Variants in DPYD observed in about 807,000 individuals in gnomAD.
The protein encoded by DPYD is dihydropyrimidine dehydrogenase [NADP(+)].
Under a neutral mutation model 116.2 loss-of-function variants are expected in DPYD, and 109 were observed. That is an observed-to-expected ratio of 0.94 (90% CI 0.80 to 1.10). DPYD has a LOEUF of 1.10. Ranked by LOEUF, DPYD falls within the 50% of genes least tolerant of loss-of-function variation. DPYD has a pLI of 0.00. For missense variants in DPYD, 1,302 were observed against 1,254.5 expected (o/e 1.04, Z -0.57); for synonymous variants, 440 against 432.0 (o/e 1.02, Z -0.23).
intron 4 of DPYD, among the ~76,000 whole-genome samples, chr1:97,730,491 G>C (rs983235378): frequency 2.0e-5 from 3 of 151,890 alleles, no homozygotes; most frequent in Non-Finnish European, 4.4e-5. Flanking sequence ...CCCAAATTGA[G>C]GGGATTACAC....
chr1:97,418,920 T>A (rs1674430599), intron 14 of DPYD, among the ~76,000 whole-genome samples: 1 of 152,054 alleles, frequency 6.6e-6, no homozygotes, highest in Admixed American at 6.6e-5. Context: ...GAAAAATAAG[T>A]ATACTGAAAA....
chr1:97,208,768 G>T (rs1034591913), intron 19 of DPYD, among the ~76,000 whole-genome samples: 16 of 152,114 alleles, frequency 1.1e-4, no homozygotes, highest in African/African-American at 3.9e-4. Flanking sequence ...TATGCTGTTT[G>T]TTTTCTGTCA....
At chr1:97,194,169 G>A (rs1658583953) in intron 19 of DPYD, among the ~76,000 whole-genome samples, 2 of 152,140 alleles carry the variant, frequency 1.3e-5, no homozygotes, top group South Asian at 4.1e-4. Flanking sequence ...TGGTTTGGCT[G>A]TGTCCCCACA....
intron 18 of DPYD, among the ~76,000 whole-genome samples, chr1:97,270,189 C>G (rs1033311097): frequency 6.6e-6 from 1 of 152,134 alleles, no homozygotes; most frequent in Non-Finnish European, 1.5e-5. Context: ...AATAGAATCA[C>G]TAACAATTTC....
chr1:97,821,578 C>A (rs780466873), intron 3 of DPYD, among the ~76,000 whole-genome samples: 6 of 152,058 alleles, frequency 3.9e-5, no homozygotes, highest in Non-Finnish European at 7.4e-5. Context: ...AGAGATGATG[C>A]ACTTTTTTCC....
chr1:97,083,198 C>T lies in DPYD; in HGVS notation c.2767-728G>A, dbSNP rs368685661. On this transcript the variant is annotated intron_variant, in intron 21 of 22. Coordinates refer to ENST00000370192, the MANE Select transcript of DPYD (RefSeq NM_000110.4). ...TGAAGCACAGACTATGTTTCATCAACAATAAGAAACATTTTGCTTCATAAA... is the reference window on the plus strand; with the variant it reads ...TGAAGCACAGACTATGTTTCATCAATAATAAGAAACATTTTGCTTCATAAA... Among the ~76,000 whole-genome samples, 63 of 152,054 alleles carry T rather than the reference C, an allele frequency of 4.1e-4. 1 individual carries two copies. In the Middle Eastern group the frequency reaches 0.014, roughly 33 times the overall value.
Position 97,679,120 on chromosome 1 carries a change from G to T in DPYD, c.825C>A (p.Gly275=), listed in dbSNP as rs1660304256. 1 of 1,581,034 alleles carries T rather than the reference G, an allele frequency of 6.3e-7. No homozygotes were observed. Among genetic ancestry groups the T allele is most frequent in the Non-Finnish European group, 8.6e-7 (1 of 1,159,100 alleles). ...EMTLSTLKEK[G]YKAAFIGIGL... ...CTATTCCAATGAAAGCAGCTTTGTAGCCTTTTTCTTTCAAAGTGCTAAGAG... is the reference window on the plus strand; with the variant it reads ...CTATTCCAATGAAAGCAGCTTTGTATCCTTTTTCTTTCAAAGTGCTAAGAG... Residue 275 remains glycine (G), a synonymous_variant, in exon 8 of 23, where the codon GGC becomes GGA. Coordinates refer to ENST00000370192, the MANE Select transcript of DPYD (RefSeq NM_000110.4).
chr1:97,487,082 G>A (rs1041067480), intron 13 of DPYD, among the ~76,000 whole-genome samples: 6 of 151,960 alleles, frequency 3.9e-5, no homozygotes, highest in African/African-American at 9.7e-5. Flanking sequence ...ATGCTAAAAC[G>A]ATTAATTTTC....
intron 20 of DPYD, among the ~76,000 whole-genome samples, chr1:97,173,299 T>C (rs1436590308): frequency 2.0e-5 from 3 of 149,700 alleles, no homozygotes; most frequent in Non-Finnish European, 3.0e-5. Flanking sequence ...TGTACACATA[T>C]GTACATATAT....
intron 2 of DPYD, among the ~76,000 whole-genome samples, chr1:97,868,557 T>C (rs1571500053): frequency 6.6e-6 from 1 of 151,842 alleles, no homozygotes; most frequent in South Asian, 2.1e-4. Flanking sequence ...CTTTGTATTA[T>C]ACCCTTTTAA....
At chr1:97,751,544 T>G (rs1664923598) in intron 3 of DPYD, among the ~76,000 whole-genome samples, 1 of 135,518 alleles carries the variant, frequency 7.4e-6, no homozygotes, top group Admixed American at 8.0e-5. Context: ...TTGGGAGAAT[T>G]ACTTCAGGCC....
chr1:97,113,476 G>C (rs1651749503), intron 20 of DPYD, among the ~76,000 whole-genome samples: 1 of 152,106 alleles, frequency 6.6e-6, no homozygotes, highest in Non-Finnish European at 1.5e-5. Context: ...GGGATTATGT[G>C]TGGAATTCAC....
rs1659377737 is a variant in DPYD at position 97,203,668 on chromosome 1, C to CT, written c.2443-10421_2443-10420insA. The stretch of plus-strand genomic sequence containing the variant: ...TAATAAAGGATGAGTTCAGACCCCC[C>CT]CCCCCCAAAAAAAAAAAAAGAGAAA... On this transcript the variant is annotated intron_variant, in intron 19 of 22. Transcript: ENST00000370192. Among the ~76,000 whole-genome samples, 2 of 57,162 alleles carry CT rather than the reference C, an allele frequency of 3.5e-5. 1 individual carries two copies. The highest frequency in any genetic ancestry group is 1.3e-4 in the African/African-American group (2 of 15,048). 37.5% of individuals were successfully genotyped at this position (57,162 alleles called of 152,430 possible).
chr1:97,764,893 T>C (rs560585354), intron 3 of DPYD, among the ~76,000 whole-genome samples: 18 of 152,140 alleles, frequency 1.2e-4, no homozygotes, highest in African/African-American at 1.9e-4. Context: ...TGAATATTTG[T>C]TGAATGAATT....
chr1:97,820,526 C>T (rs889759318), intron 3 of DPYD, among the ~76,000 whole-genome samples: 2 of 152,166 alleles, frequency 1.3e-5, no homozygotes, highest in African/African-American at 4.8e-5. Flanking sequence ...TCCAAGTTTA[C>T]ATGGCTATAC....
intron 8 of DPYD, among the ~76,000 whole-genome samples, chr1:97,649,257 A>G (rs1164189043): frequency 1.3e-5 from 2 of 152,082 alleles, no homozygotes; most frequent in African/African-American, 4.8e-5. Flanking sequence ...TTTAATAAAG[A>G]TTTTCAGCTA....
chr1:97,876,129 C>T (rs1161724120), intron 2 of DPYD, among the ~76,000 whole-genome samples: 1 of 151,724 alleles, frequency 6.6e-6, no homozygotes, highest in Non-Finnish European at 1.5e-5. Flanking sequence ...TCAAGTGTTC[C>T]AAAACACTCA....
At chr1:97,782,092 C>T (rs1489989880) in intron 3 of DPYD, among the ~76,000 whole-genome samples, 2 of 152,190 alleles carry the variant, frequency 1.3e-5, no homozygotes, top group African/African-American at 4.8e-5. Flanking sequence ...CATGTAGGGA[C>T]AGAAAGATAA....
chr1:97,466,713 C>T (rs1677343811), intron 13 of DPYD, among the ~76,000 whole-genome samples: 1 of 152,028 alleles, frequency 6.6e-6, no homozygotes, highest in African/African-American at 2.4e-5. Context: ...GGGGAAACAC[C>T]AAAGAGACCT....
Sources: allele counts gnomAD v4.1 joint callset (sites outside exome capture counted in the v4.1 genomes callset), GRCh38; gene constraint gnomAD v4.1.1; transcripts MANE v1.5; gene names NCBI Gene and HGNC (gene_info 2026-07-23, HGNC 2026-07-21).